RBPJ: variants seen among roughly 807,000 people sequenced by gnomAD.
RBPJ encodes the protein recombining binding protein suppressor of hairless.
A neutral mutation model predicts 67.8 loss-of-function variants in RBPJ; 9 were observed. That is an observed-to-expected ratio of 0.13 (90% confidence interval 0.08 to 0.23). RBPJ has a LOEUF of 0.23. Ranked by LOEUF, RBPJ falls within the 10% of genes least tolerant of loss-of-function variation. The pLI is 1.00. For missense variants in RBPJ, 305 were observed against 595.6 expected, an observed-to-expected ratio of 0.51 and a Z score of 5.08; for synonymous variants, 198 against 203.3, an observed-to-expected ratio of 0.97 and a Z score of 0.22.
chr4:26,266,101 T>G (rs797019807), intron 1 of RBPJ, among the ~76,000 whole-genome samples: 9 of 152,278 alleles, frequency 5.9e-5, no homozygotes, highest in African/African-American at 2.2e-4. Context: ...TTCCATACTT[T>G]GGGGTATCTT....
intron 1 of RBPJ, among the ~76,000 whole-genome samples, chr4:26,295,097 C>G (rs943247131): frequency 1.3e-5 from 2 of 151,974 alleles, no homozygotes; most frequent in African/African-American, 4.8e-5. Context: ...GACAAAGAGC[C>G]GTAAATCACT....
chr4:26,231,965 C>T (rs1366971044), intron 1 of RBPJ, among the ~76,000 whole-genome samples: 1 of 151,892 alleles, frequency 6.6e-6, no homozygotes, highest in Non-Finnish European at 1.5e-5. Flanking sequence ...GATCTTGGCT[C>T]ATTGCAACCT....
intron 1 of RBPJ, among the ~76,000 whole-genome samples, chr4:26,332,933 G>A (rs1577455712): frequency 6.6e-6 from 1 of 152,310 alleles, no homozygotes; most frequent in East Asian, 1.9e-4. Context: ...ACCAGCATGA[G>A]CCACCATGCC....
rs775524259 is a variant in RBPJ, at chr4:26,399,696, TG to T, written c.60-6478del. 1.3e-3 allele frequency among the ~76,000 whole-genome samples: 191 copies of T among 148,608 alleles called. 2 individuals are homozygous for T. Among genetic ancestry groups the T allele is most frequent in the Middle Eastern group, 3.4e-3 (1 of 292 alleles). ...ATAACAAAATCTCCTTTTTTTGTTT[TG>T]TTTTTTTTGTTTGAGATGGAGTCTG... On this transcript the variant is annotated intron_variant, in intron 2 of 10. Transcript: ENST00000355476.
chr4:26,420,775 G>T, intron 5 of RBPJ, 50 bp downstream of exon 5: 1 of 1,431,722 alleles, frequency 7.0e-7, no homozygotes, highest in Non-Finnish European at 9.4e-7. Flanking sequence ...GAATTAATAA[G>T]ACAGACTCTT....
rs1736426112 is a variant in RBPJ, at chr4:26,433,676, C to T, written c.*2669C>T. On this transcript the variant is annotated 3_prime_UTR_variant, in exon 11 of 11. Transcript: ENST00000355476. ...CACCTATTTTTGGCCATTCTCATAC[C>T]ACAGACTAAAGAGTGAAATGATTTG... The T allele has an allele frequency of 6.6e-6, 1 of 152,022 alleles. No individual in the cohort carries two copies. Among genetic ancestry groups the T allele is most frequent in the African/African-American group, 2.4e-5 (1 of 41,394 alleles). The allele number at this position is 152,022 out of a possible 1,614,324, so 9.4% of individuals were successfully genotyped here. A position where few individuals can be genotyped will look rare whatever the true frequency, so the allele number is the denominator to read the frequency against.
At chr4:26,148,586 G>GA in the RBPJ span, among the ~76,000 whole-genome samples, 2 of 152,048 alleles carry the variant, frequency 1.3e-5, no homozygotes, top group African/African-American at 4.8e-5. Flanking sequence ...GAAGCAAGAA[G>GA]AAAAAAGTGT....
intron 2 of RBPJ, among the ~76,000 whole-genome samples, chr4:26,393,549 AT>A (rs1418129875): frequency 6.6e-6 from 1 of 151,774 alleles, no homozygotes; most frequent in Non-Finnish European, 1.5e-5. Flanking sequence ...TAATTTTTAT[AT>A]TTTTTGTAGA....
At chr4:26,249,729 G>A (rs1228273289) in intron 1 of RBPJ, among the ~76,000 whole-genome samples, 1 of 151,020 alleles carries the variant, frequency 6.6e-6, no homozygotes, top group Admixed American at 6.6e-5. Flanking sequence ...CTTTTTAAGT[G>A]TACAACTCAC....
At chr4:26,392,920 T>G (rs948514452) in intron 2 of RBPJ, among the ~76,000 whole-genome samples, 3 of 152,198 alleles carry the variant, frequency 2.0e-5, no homozygotes, top group African/African-American at 7.2e-5. Flanking sequence ...AGGTAAGTTT[T>G]GTTTATTTTT....
chr4:26,417,997 T>A (rs1169479909), intron 4 of RBPJ, among the ~76,000 whole-genome samples: 3 of 152,230 alleles, frequency 2.0e-5, no homozygotes, highest in Non-Finnish European at 2.9e-5. Flanking sequence ...GTTAAAAAAA[T>A]TTACATTTTT....
intron 1 of RBPJ, among the ~76,000 whole-genome samples, chr4:26,223,995 G>A (rs1040489805): frequency 6.6e-6 from 1 of 152,206 alleles, no homozygotes; most frequent in African/African-American, 2.4e-5. Flanking sequence ...TAATTGAGTT[G>A]TTGTGAGAAC....
chr4:26,364,953 T>G (rs1577531819), intron 1 of RBPJ, among the ~76,000 whole-genome samples: 1 of 152,040 alleles, frequency 6.6e-6, no homozygotes, highest in Non-Finnish European at 1.5e-5. Context: ...AGAGCTTACT[T>G]AGATCCTGGG....
At chr4:26,209,599 TTC>T in intron 1 of RBPJ, among the ~76,000 whole-genome samples, 1 of 129,866 alleles carries the variant, frequency 7.7e-6, no homozygotes. Flanking sequence ...CCCTTCCTCC[TTC>T]CCTCTCTCCC....
chr4:26,402,933 C>A (rs1346311262), intron 2 of RBPJ, among the ~76,000 whole-genome samples: 1 of 152,154 alleles, frequency 6.6e-6, no homozygotes, highest in African/African-American at 2.4e-5. Context: ...ATAATATATA[C>A]CCACTTCTCC....
At chr4:26,269,801 G>A (rs1255980573) in intron 1 of RBPJ, among the ~76,000 whole-genome samples, 1 of 152,292 alleles carries the variant, frequency 6.6e-6, no homozygotes, top group South Asian at 2.1e-4. Context: ...AAGGGGGAGG[G>A]AGAGGGGTAG....
intron 2 of RBPJ, among the ~76,000 whole-genome samples, chr4:26,395,406 G>T (rs1363885072): frequency 6.6e-6 from 1 of 152,180 alleles, no homozygotes; most frequent in African/African-American, 2.4e-5. Flanking sequence ...GCCGGATTGT[G>T]CCACTTTACT....
At chr4:26,222,920 C>T (rs1443843275) in intron 1 of RBPJ, among the ~76,000 whole-genome samples, 1 of 151,708 alleles carries the variant, frequency 6.6e-6, no homozygotes, top group Non-Finnish European at 1.5e-5. Context: ...CTTTGGGAGG[C>T]CGAGGCGGGC....
intron 3 of RBPJ, among the ~76,000 whole-genome samples, chr4:26,413,203 C>G (rs1355415527): frequency 1.3e-5 from 2 of 152,168 alleles, no homozygotes; most frequent in African/African-American, 4.8e-5. Context: ...CACAGTCCTT[C>G]CTATCTGAGA....
Sources: allele counts gnomAD v4.1 joint callset (sites outside exome capture counted in the v4.1 genomes callset), GRCh38; gene constraint gnomAD v4.1.1; transcripts MANE v1.5; gene names NCBI Gene and HGNC (gene_info 2026-07-23, HGNC 2026-07-21).